The following PODN variants were observed in gnomAD, a reference collection of about 807,000 sequenced individuals.
The protein encoded by PODN is podocan proteoglycan.
PODN carries 40 observed loss-of-function variants against 52.7 expected under a neutral mutation model. The ratio of observed to expected loss-of-function variants is 0.76; its 90% confidence interval spans 0.59 to 0.99. The LOEUF (loss-of-function observed/expected upper bound fraction) is 0.99, where lower values mean the gene tolerates loss of function less well. Ranked by LOEUF, PODN falls within the 50% of genes least tolerant of loss-of-function variation. The pLI is 0.00. For missense variants in PODN, 720 were observed against 815.1 expected (o/e 0.88, Z 1.42); for synonymous variants, 396 against 377.9 (o/e 1.05, Z -0.56).
Position 53,071,577 on chromosome 1 carries a change from C to A in PODN, c.355C>A (p.Leu119Met). The stretch of plus-strand genomic sequence containing the variant: ...GATCTACCCTGAGGAGCTCTCCCGG[C>A]TGCACCGGCTGGAGACGCTGAACCT... ...EKIYPEELSR[L>M]HRLETLNLQN... The change falls in exon 3 of 11, where the codon CTG (leucine) becomes ATG (methionine). Residue 119 changes from leucine to methionine, a missense_variant. Leu to Met is a conservative substitution (Grantham distance 15, BLOSUM62 2). Transcript: ENST00000312553. The A allele has an allele frequency of 1.2e-6, 2 of 1,614,022 alleles. No homozygotes were observed. Among genetic ancestry groups the A allele is most frequent in the South Asian group, 1.1e-5 (1 of 91,078 alleles).
intron 4 of PODN, among the ~76,000 whole-genome samples, chr1:53,075,478 C>T (rs907615392): frequency 2.6e-5 from 4 of 152,216 alleles, no homozygotes; most frequent in Admixed American, 6.5e-5. Context: ...CTCACCTGGA[C>T]GCTTGCCTCC....
chr1:53,078,368 G>A lies in PODN; in HGVS notation c.858G>A (p.Lys286=). ...CCTAATTCCCTCCCTGCCCCAGGAA[G>A]CTCTCCAGCCTGGAGTACCTGGATC... ...DEGLDNETFW[K]LSSLEYLDLS... is the part of the protein sequence containing the mutation. The change falls in exon 8 of 11, where the codon AAG becomes AAA. Residue 286 remains lysine (K), a synonymous_variant. Coordinates refer to ENST00000312553, the MANE Select transcript of PODN (RefSeq NM_153703.5). The A allele has an allele frequency of 1.2e-6, 2 of 1,606,960 alleles. No individual in the cohort carries two copies. The highest frequency in any genetic ancestry group is 1.7e-6 in the Non-Finnish European group (2 of 1,174,524).
In PODN at chr1:53,071,851, C is replaced by CT. The variant is rs538594936; in HGVS notation, c.406+234dup. ...CTGAACACTACACGGATATTTCTTT[C>CT]TTTTTTTTTTTGACATAGTCACTTA... On this transcript the variant is annotated intron_variant, in intron 3 of 10. Transcript: ENST00000312553. 8.6e-3 allele frequency among the ~76,000 whole-genome samples: 1,266 copies of CT among 147,158 alleles called. 5 individuals are homozygous for CT. Among genetic ancestry groups the CT allele is most frequent in the Middle Eastern group, 0.011 (3 of 282 alleles).
intron 1 of PODN, among the ~76,000 whole-genome samples, chr1:53,064,727 T>A (rs1019551165): frequency 1.3e-5 from 2 of 152,228 alleles, no homozygotes; most frequent in Non-Finnish European, 2.9e-5. Context: ...ACCTATTTGA[T>A]GCCAGCGGTG....
rs899974 is a variant in PODN, at chr1:53,084,515, C to T, written c.*30C>T. 131,728 of 152,144 alleles carry T rather than the reference C, an allele frequency of 0.87. 57,869 individuals are homozygous for T. Among genetic ancestry groups the T allele is most frequent in the Middle Eastern group, 0.97 (282 of 292 alleles). The allele number at this position is 152,144 out of a possible 1,614,324, so 9.4% of individuals were successfully genotyped here. A position where few individuals can be genotyped will look rare whatever the true frequency, so the allele number is the denominator to read the frequency against. The stretch of plus-strand genomic sequence containing the variant: ...TGACTCTCTTACATGTTCCACAGGA[C>T]GATGGACCGCCGGACTCTTTTCTGC... On this transcript the variant is annotated splice_region_variant and 3_prime_UTR_variant, in exon 11 of 11. Coordinates refer to ENST00000312553, the MANE Select transcript of PODN (RefSeq NM_153703.5).
chr1:53,085,365 T>C lies in PODN; in HGVS notation c.*880T>C, dbSNP rs960591328. ...CCCAGCTGCACCTAGGAGACACCTT[T>C]GTTCTTCAGGCCTGTGGGGGAAGTT... On this transcript the variant is annotated 3_prime_UTR_variant, in exon 11 of 11. Transcript: ENST00000312553. 2 of 152,284 alleles carry C rather than the reference T, an allele frequency of 1.3e-5. No homozygotes were observed. Among genetic ancestry groups the C allele is most frequent in the African/African-American group, 2.4e-5 (1 of 41,482 alleles). The allele number at this position is 152,284 out of a possible 1,614,324, so 9.4% of individuals were successfully genotyped here. A position where few individuals can be genotyped will look rare whatever the true frequency, so the allele number is the denominator to read the frequency against.
In PODN at chr1:53,078,851, T is replaced by G. The variant is rs753675737; in HGVS notation, c.1341T>G (p.Pro447=). ...GCAACCGGCTGCACACGCTGCCACC[T>G]GGGCTGCCTCGAAATGTCCATGTGC... ...LSGNRLHTLP[P]GLPRNVHVLK... The change falls in exon 8 of 11, where the codon CCT becomes CCG. Residue 447 remains proline (P), a synonymous_variant. Coordinates refer to ENST00000312553, the MANE Select transcript of PODN (RefSeq NM_153703.5). 1 of 1,612,658 alleles carries G rather than the reference T, an allele frequency of 6.2e-7. No individual in the cohort carries two copies. The highest frequency in any genetic ancestry group is 8.5e-7 in the Non-Finnish European group (1 of 1,179,698).
Position 53,079,015 on chromosome 1 carries a change from A to T in PODN, c.1505A>T (p.His502Leu). The change falls in exon 8 of 11, where the codon CAT becomes CTT. Residue 502 changes from histidine (H) to leucine (L), a missense_variant. Transcript: ENST00000312553. ...CCCCGTGCCTGGGTGGACCTCGCCC[A>T]TCTGCAGGTAAGCGGAAGGGAGGGG... The part of the protein sequence containing the change: ...LGPRAWVDLA[H>L]LQLLDIAGNQ... 6.5e-7 allele frequency: 1 copy of T among 1,546,116 alleles called. No homozygotes were observed. Among genetic ancestry groups the T allele is most frequent in the Non-Finnish European group, 8.7e-7 (1 of 1,144,524 alleles).
intron 8 of PODN, among the ~76,000 whole-genome samples, chr1:53,079,862 G>A (rs540712363): frequency 4.6e-5 from 7 of 151,922 alleles, no homozygotes; most frequent in South Asian, 2.1e-4. Flanking sequence ...ATTTAGCCCC[G>A]TGCAGTGGCA....
In PODN at chr1:53,062,257, T is replaced by C; in HGVS notation, c.-107T>C. ...CGAGCCCGCGGAGCGCAGCTGAGACTGGGGGAGCGCGTTCGGCCTGTGGGG... is the reference window on the plus strand; with the variant it reads ...CGAGCCCGCGGAGCGCAGCTGAGACCGGGGGAGCGCGTTCGGCCTGTGGGG... On this transcript the variant is annotated 5_prime_UTR_variant, in exon 1 of 11. Transcript: ENST00000312553. 1 of 1,273,890 alleles carries C rather than the reference T, an allele frequency of 7.8e-7. No individual in the cohort carries two copies. The highest frequency in any genetic ancestry group is 1.0e-6 in the Non-Finnish European group (1 of 1,003,420). 78.9% of individuals were successfully genotyped at this position (1,273,890 alleles called of 1,614,324 possible).
chr1:53,079,062 G>T (rs780393432), intron 8 of PODN, 40 bp downstream of exon 8: 4 of 1,476,532 alleles, frequency 2.7e-6, no homozygotes, highest in Admixed American at 2.2e-5. Flanking sequence ...CCCATGGAGG[G>T]GGGTACTGGC....
rs148152671 is a variant in PODN, at chr1:53,068,637, G to A, written c.-55-1164G>A. Among the ~76,000 whole-genome samples, 372 of 152,256 alleles carry A rather than the reference G, an allele frequency of 2.4e-3. 1 individual carries two copies. The highest frequency in any genetic ancestry group is 0.017 in the Middle Eastern group (5 of 294). On this transcript the variant is annotated intron_variant, in intron 1 of 10. Coordinates refer to ENST00000312553, the MANE Select transcript of PODN (RefSeq NM_153703.5). ...GTATTATCTGCATTGTACAGACAAC[G>A]AAACTGAGGCTCAGCAAGGTCAGAG...
intron 5 of PODN, among the ~76,000 whole-genome samples, chr1:53,076,643 A>C (rs1644198956): frequency 6.6e-6 from 1 of 151,666 alleles, no homozygotes; most frequent in Admixed American, 6.6e-5. Flanking sequence ...TCATATATAT[A>C]TTTATTTATA....
At position 53,070,135 on chromosome 1, in the gene PODN, C is replaced by G; in HGVS notation, c.280C>G (p.Leu94Val). Reference sequence around the variant, plus strand: ...TGACCTGCGTGAGTTCCCGGGGGACCTGCCTGAGCACACCAACCACCTATC... The same window carrying G: ...TGACCTGCGTGAGTTCCCGGGGGACGTGCCTGAGCACACCAACCACCTATC... ...GIDLREFPGDLPEHTNHLSLQ... is the reference protein window; with the variant it reads ...GIDLREFPGDVPEHTNHLSLQ... Residue 94 changes from leucine to valine, a missense_variant, in exon 2 of 11, where the codon CTG (leucine) becomes GTG (valine). Leu to Val is a conservative substitution (Grantham distance 32). Transcript: ENST00000312553. 6.2e-7 allele frequency: 1 copy of G among 1,610,982 alleles called. No homozygotes were observed. Among genetic ancestry groups the G allele is most frequent in the African/African-American group, 1.3e-5 (1 of 75,050 alleles).
At chr1:53,071,665 AAG>A in intron 3 of PODN, 37 bp downstream of exon 3, 1 of 1,576,046 alleles carries the variant, frequency 6.3e-7, no homozygotes, top group Non-Finnish European at 8.7e-7. Flanking sequence ...CAGGGACACC[AAG>A]TGGGGCCTTG....
At position 53,070,146 on chromosome 1, in the gene PODN, C is replaced by T; in HGVS notation, c.291C>T (p.His97=). Reference sequence around the variant, plus strand: ...AGTTCCCGGGGGACCTGCCTGAGCACACCAACCACCTATCTCTGCAGGTGA... The same window carrying T: ...AGTTCCCGGGGGACCTGCCTGAGCATACCAACCACCTATCTCTGCAGGTGA... ...LREFPGDLPE[H]TNHLSLQNNQ... is the part of the protein sequence containing the mutation. The change falls in exon 2 of 11, where the codon CAC becomes CAT. Residue 97 remains histidine, a synonymous_variant. Transcript: ENST00000312553. 6.2e-7 allele frequency: 1 copy of T among 1,609,748 alleles called. No homozygotes were observed. Among genetic ancestry groups the T allele is most frequent in the Non-Finnish European group, 8.5e-7 (1 of 1,179,960 alleles).
At chr1:53,077,871 C>T in intron 7 of PODN, 71 bp downstream of exon 7, 2 of 1,213,008 alleles carry the variant, frequency 1.6e-6, no homozygotes, top group Middle Eastern at 2.0e-4. Flanking sequence ...GCCAACCATC[C>T]AGCCCAGCCC....
At chr1:53,066,438 G>A (rs1333604730) in intron 1 of PODN, among the ~76,000 whole-genome samples, 1 of 151,932 alleles carries the variant, frequency 6.6e-6, no homozygotes, top group Non-Finnish European at 1.5e-5. Context: ...TTATTTTTTT[G>A]TACGACATCT....
At position 53,070,107 on chromosome 1, in the gene PODN, T is replaced by C; in HGVS notation, c.252T>C (p.Gly84=). 1 of 1,612,258 alleles carries C rather than the reference T, an allele frequency of 6.2e-7. No individual in the cohort carries two copies. Among genetic ancestry groups the C allele is most frequent in the Admixed American group, 1.7e-5 (1 of 59,970 alleles). Residue 84 remains glycine (G), a synonymous_variant, in exon 2 of 11, where the codon GGT becomes GGC. Coordinates refer to ENST00000312553, the MANE Select transcript of PODN (RefSeq NM_153703.5). ...AGGAGGGCGTCGTGGACTGTGGCGG[T>C]ATTGACCTGCGTGAGTTCCCGGGGG... is the stretch of plus-strand genomic sequence containing the variant. ...CSQEGVVDCG[G]IDLREFPGDL...
Sources: allele counts gnomAD v4.1 joint callset (sites outside exome capture counted in the v4.1 genomes callset), GRCh38; gene constraint gnomAD v4.1.1; transcripts MANE v1.5; gene names NCBI Gene and HGNC (gene_info 2026-07-23, HGNC 2026-07-21).